The following ADSS2 variants were observed in gnomAD, a reference collection of about 807,000 sequenced individuals.
The protein encoded by ADSS2 is adenylosuccinate synthase 2, also known as adenylosuccinate synthetase isozyme 2.
Under a neutral mutation model 60.0 loss-of-function variants are expected in ADSS2, and 30 were observed. That is an observed-to-expected ratio of 0.50 (90% confidence interval 0.37 to 0.68). The LOEUF (loss-of-function observed/expected upper bound fraction) is 0.68, where lower values mean the gene tolerates loss of function less well. ADSS2 is among the 30% of genes least tolerant of loss of function. ADSS2 has a pLI of 0.00. For synonymous variants in ADSS2, 187 were observed against 193.1 expected (o/e 0.97, Z 0.26); for missense variants, 373 against 554.8 (o/e 0.67, Z 3.29).
intron 1 of ADSS2, among the ~76,000 whole-genome samples, chr1:244,444,439 C>T (rs1346780543): frequency 2.2e-5 from 3 of 136,696 alleles, no homozygotes; most frequent in Non-Finnish European, 4.7e-5. Context: ...GGCGTGAACC[C>T]GGGAGGCGGA....
intron 11 of ADSS2, among the ~76,000 whole-genome samples, chr1:244,412,888 T>C (rs1056316989): frequency 6.6e-6 from 1 of 152,210 alleles, no homozygotes; most frequent in Non-Finnish European, 1.5e-5. Context: ...GGCATCCTGT[T>C]GCTTGAAGAT....
At chr1:244,450,857 A>C (rs1488569502) in intron 1 of ADSS2, among the ~76,000 whole-genome samples, 1 of 152,168 alleles carries the variant, frequency 6.6e-6, no homozygotes, top group East Asian at 1.9e-4. Context: ...AACAATGCAA[A>C]TATTTATTTC....
At chr1:244,440,658 C>A (rs1393151320) in intron 1 of ADSS2, among the ~76,000 whole-genome samples, 1 of 152,078 alleles carries the variant, frequency 6.6e-6, no homozygotes, top group East Asian at 1.9e-4. Flanking sequence ...TTTCTCATAC[C>A]CTTGCTGTAA....
intron 7 of ADSS2, among the ~76,000 whole-genome samples, chr1:244,421,298 A>G (rs1436455426): frequency 6.6e-6 from 1 of 152,356 alleles, no homozygotes; most frequent in East Asian, 1.9e-4. Flanking sequence ...GGCCTATAGC[A>G]TAACTGCATG....
chr1:244,421,812 C>T (rs12097844), intron 7 of ADSS2, among the ~76,000 whole-genome samples: 8 of 151,922 alleles, frequency 5.3e-5, no homozygotes, highest in South Asian at 2.1e-4. Flanking sequence ...AAACCCATCT[C>T]TACCAAAAAA....
At chr1:244,423,384 T>C (rs1196976179) in intron 6 of ADSS2, among the ~76,000 whole-genome samples, 1 of 152,226 alleles carries the variant, frequency 6.6e-6, no homozygotes, top group Non-Finnish European at 1.5e-5. Context: ...AATGTCATTA[T>C]AGCTTTGATG....
chr1:244,439,800 C>T (rs1665193196), intron 1 of ADSS2, among the ~76,000 whole-genome samples: 1 of 152,166 alleles, frequency 6.6e-6, no homozygotes, highest in African/African-American at 2.4e-5. Flanking sequence ...CCTGTGCTGG[C>T]TAGGCTTGCT....
At chr1:244,441,438 T>C (rs947572255) in intron 1 of ADSS2, among the ~76,000 whole-genome samples, 2 of 152,224 alleles carry the variant, frequency 1.3e-5, no homozygotes, top group African/African-American at 4.8e-5. Flanking sequence ...CTAAGTTTAA[T>C]GAATTTTTAC....
chr1:244,408,633 CCT>C lies in ADSS2; in HGVS notation c.*951_*952del, dbSNP rs1491361146. 4 of 147,666 alleles carry C rather than the reference CCT, an allele frequency of 2.7e-5. No individual in the cohort carries two copies. The highest frequency in any genetic ancestry group is 1.0e-4 in the African/African-American group (4 of 38,922). The allele number at this position is 147,666 out of a possible 1,614,324, so 9.1% of individuals were successfully genotyped here. A position where few individuals can be genotyped will look rare whatever the true frequency, so the allele number is the denominator to read the frequency against. On this transcript the variant is annotated 3_prime_UTR_variant, in exon 13 of 13. Transcript: ENST00000366535. Reference sequence around the variant, plus strand: ...GTTATGCCTAATTGTCAAAATAACACCTTTTTTTTTTCAAGAAAGGAGAAATA... The same window carrying C: ...GTTATGCCTAATTGTCAAAATAACACTTTTTTTTTCAAGAAAGGAGAAATA...
At chr1:244,440,646 C>G (rs1049124779) in intron 1 of ADSS2, among the ~76,000 whole-genome samples, 1 of 152,102 alleles carries the variant, frequency 6.6e-6, no homozygotes, top group African/African-American at 2.4e-5. Flanking sequence ...AAATGTGAAG[C>G]CTTTCTCATA....
rs1434390062 is a variant in ADSS2, at chr1:244,411,256, A to G, written c.1318+31T>C. The G allele has an allele frequency of 1.9e-6, 3 of 1,575,524 alleles. No homozygotes were observed. The African/African-American group carries it at 4.1e-5, about 22-fold the overall frequency. On this transcript the variant is annotated intron_variant, in intron 12 of 12. Coordinates refer to ENST00000366535, the MANE Select transcript of ADSS2 (RefSeq NM_001126.5). ...AGAAAAAAGAGAGAGAGAGAAAAGA[A>G]AAAACTTATTCACAAAGTGTTTATG...
intron 1 of ADSS2, among the ~76,000 whole-genome samples, chr1:244,441,816 C>T (rs187053779): frequency 5.3e-5 from 8 of 151,996 alleles, no homozygotes; most frequent in African/African-American, 1.4e-4. Context: ...ATTAGCCAGG[C>T]GTGGTGGCAC....
At chr1:244,422,265 C>T (rs1423631599) in intron 7 of ADSS2, among the ~76,000 whole-genome samples, 4 of 152,120 alleles carry the variant, frequency 2.6e-5, no homozygotes, top group African/African-American at 9.7e-5. Context: ...TGAAGTTCAT[C>T]AAAAATCGTA....
At chr1:244,434,343 A>C (rs1665029659) in intron 3 of ADSS2, among the ~76,000 whole-genome samples, 1 of 151,518 alleles carries the variant, frequency 6.6e-6, no homozygotes, top group Non-Finnish European at 1.5e-5. Context: ...ACAGAGCAAG[A>C]CCATGTCTCC....
Position 244,409,343 on chromosome 1 carries a change from T to C in ADSS2, c.*243A>G, listed in dbSNP as rs1283589466. The C allele has an allele frequency of 5.2e-5, 19 of 367,660 alleles. No homozygotes were observed. Among genetic ancestry groups the C allele is most frequent in the Non-Finnish European group, 8.2e-5 (17 of 207,250 alleles). 22.8% of individuals were successfully genotyped at this position (367,660 alleles called of 1,614,324 possible). A position where few individuals can be genotyped will look rare whatever the true frequency, so the allele number is the denominator to read the frequency against. Reference sequence around the variant, plus strand: ...TTACTAAACATTGAAAAAAAAAACGTGGCACCATGAGAGCAGCAGGAGCAA... The same window carrying C: ...TTACTAAACATTGAAAAAAAAAACGCGGCACCATGAGAGCAGCAGGAGCAA... On this transcript the variant is annotated 3_prime_UTR_variant, in exon 13 of 13. Coordinates refer to ENST00000366535, the MANE Select transcript of ADSS2 (RefSeq NM_001126.5).
At position 244,421,005 on chromosome 1, in the gene ADSS2, G is replaced by A. The variant is rs569437770; in HGVS notation, c.664-709C>T. On this transcript the variant is annotated intron_variant, in intron 7 of 12. Coordinates refer to ENST00000366535, the MANE Select transcript of ADSS2 (RefSeq NM_001126.5). Reference sequence around the variant, plus strand: ...TGGCCAACCATGAATTTTGAAACTTGCATCAGTGATTCTCAAAATGTGGTG... The same window carrying A: ...TGGCCAACCATGAATTTTGAAACTTACATCAGTGATTCTCAAAATGTGGTG... Among the ~76,000 whole-genome samples, 34 of 152,112 alleles carry A rather than the reference G, an allele frequency of 2.2e-4. No individual in the cohort carries two copies. The East Asian group carries it at 6.4e-3, about 29-fold the overall frequency.
At chr1:244,446,872 G>C (rs1002571012) in intron 1 of ADSS2, among the ~76,000 whole-genome samples, 12 of 152,052 alleles carry the variant, frequency 7.9e-5, no homozygotes, top group African/African-American at 2.9e-4. Flanking sequence ...TTAAACTACA[G>C]ATTTCAAGTC....
intron 1 of ADSS2, among the ~76,000 whole-genome samples, chr1:244,445,371 T>A (rs1405700489): frequency 1.3e-5 from 2 of 152,382 alleles, no homozygotes; most frequent in Non-Finnish European, 2.9e-5. Context: ...CATTTTATGC[T>A]GTCAAGGACA....
At chr1:244,435,683 GGTT>G (rs1665082110) in intron 3 of ADSS2, among the ~76,000 whole-genome samples, 1 of 151,348 alleles carries the variant, frequency 6.6e-6, no homozygotes, top group Admixed American at 6.6e-5. Context: ...CTCCATCTGT[GGTT>G]GTTTACCAAC....
Sources: gnomAD v4.1 joint callset for allele counts (sites outside exome capture counted in the v4.1 genomes callset) on GRCh38, gnomAD v4.1.1 for gene constraint, MANE v1.5 for transcripts, NCBI Gene and HGNC (gene_info 2026-07-23, HGNC 2026-07-21) for gene names.